The following ZNF787 variants were observed in gnomAD, a reference collection of about 807,000 sequenced individuals.
ZNF787 encodes zinc finger protein 787.
Under a neutral mutation model 16.9 loss-of-function variants are expected in ZNF787, and 7 were observed. The observed-to-expected ratio is 0.42, with a 90% CI of 0.24 to 0.78. ZNF787 has a LOEUF of 0.78. Ranked by LOEUF, ZNF787 falls within the 30% of genes least tolerant of loss-of-function variation. The pLI is 0.30. For synonymous variants in ZNF787, 345 were observed against 270.9 expected, an observed-to-expected ratio of 1.27 and a Z score of -2.69; for missense variants, 551 against 589.3, an observed-to-expected ratio of 0.94 and a Z score of 0.67.
At chr19:56,089,165 T>G in intron 2 of ZNF787, 73 bp from the exon 3 acceptor site, 4 of 1,191,042 alleles carry the variant, frequency 3.4e-6, no homozygotes, top group Non-Finnish European at 4.4e-6. Context: ...GCTGCTACGC[T>G]GGCCTCGGGT....
intron 2 of ZNF787, among the ~76,000 whole-genome samples, chr19:56,091,507 C>G (rs546420675): frequency 6.6e-6 from 1 of 152,266 alleles, no homozygotes; most frequent in African/African-American, 2.4e-5. Context: ...AGATTTGCAA[C>G]TATCAAAGCA....
At chr19:56,107,682 G>C (rs2029876113) in intron 1 of ZNF787, among the ~76,000 whole-genome samples, 1 of 151,724 alleles carries the variant, frequency 6.6e-6, no homozygotes, top group South Asian at 2.1e-4. Context: ...AGAAAAGGGA[G>C]GGGGGTCTAG....
chr19:56,118,373 G>A (rs746733676), intron 1 of ZNF787, among the ~76,000 whole-genome samples: 3 of 152,312 alleles, frequency 2.0e-5, no homozygotes, highest in Middle Eastern at 3.4e-3. Flanking sequence ...GGAGTCCAGC[G>A]TCTCCAAGCC....
At position 56,087,716 on chromosome 19, in the gene ZNF787, CGCTTGGGGCCTGGTCG is replaced by C. The variant is rs1239999597; in HGVS notation, c.*291_*306del. 2 of 243,658 alleles carry C rather than the reference CGCTTGGGGCCTGGTCG, an allele frequency of 8.2e-6. No homozygotes were observed. Among genetic ancestry groups the C allele is most frequent in the African/African-American group, 4.6e-5 (2 of 43,654 alleles). 15.1% of individuals were successfully genotyped at this position (243,658 alleles called of 1,614,324 possible). On this transcript the variant is annotated 3_prime_UTR_variant, in exon 3 of 3. Transcript: ENST00000610935. ...AGGAAGAGCAGGGAAAATGGCCTTC[CGCTTGGGGCCTGGTCG>C]CCACTCGGCCTCTGCAGTTCTCTCC...
rs1455945676 is a variant in ZNF787, at chr19:56,115,879, TC to T, written c.-11+5292del. 7.9e-5 allele frequency among the ~76,000 whole-genome samples: 12 copies of T among 152,280 alleles called. 1 individual carries two copies. The East Asian group carries it at 2.3e-3, about 29-fold the overall frequency. On this transcript the variant is annotated intron_variant, in intron 1 of 2. Coordinates refer to ENST00000610935, the MANE Select transcript of ZNF787 (RefSeq NM_001002836.4). ...ATCTTCAGATCCTTATGCGAAGGCT[TC>T]CGGGTCTTAGGGCAGCCGAGTAACT...
At chr19:56,098,640 AGCCGCAGGG>A (rs1568527078) in intron 2 of ZNF787, among the ~76,000 whole-genome samples, 2 of 19,110 alleles carry the variant, frequency 1.0e-4, no homozygotes, top group African/African-American at 1.8e-4. Context: ...AGGGTGATAC[AGCCGCAGGG>A]TGATGCCACC....
Position 56,088,077 on chromosome 19 carries a change from G to T in ZNF787, c.1095C>A (p.Asp365Glu). The T allele has an allele frequency of 6.8e-7, 1 of 1,473,186 alleles. No individual in the cohort carries two copies. Among genetic ancestry groups the T allele is most frequent in the Non-Finnish European group, 8.9e-7 (1 of 1,121,972 alleles). 91.3% of individuals were successfully genotyped at this position (1,473,186 alleles called of 1,614,324 possible). ...YRAGGEEEDD[D>E]DEAAGGRCPE... ...GGCACCGCCCGCCCGCGGCCTCGTC[G>T]TCGTCGTCCTCCTCCTCCCCGCCCG... The change falls in exon 3 of 3, where the codon GAC becomes GAA. Residue 365 changes from aspartate to glutamate, a missense_variant. Coordinates refer to ENST00000610935, the MANE Select transcript of ZNF787 (RefSeq NM_001002836.4). This position sits in a 1 kb window ranked among gnomAD's most constrained non-coding sequence, Gnocchi z 8.6.
chr19:56,116,207 C>T (rs1223064296), intron 1 of ZNF787, among the ~76,000 whole-genome samples: 1 of 151,998 alleles, frequency 6.6e-6, no homozygotes, highest in Non-Finnish European at 1.5e-5. Flanking sequence ...TCTGGGAGGC[C>T]GAGGTGGGCG....
At chr19:56,106,640 C>T (rs1228814184) in intron 1 of ZNF787, among the ~76,000 whole-genome samples, 1 of 152,190 alleles carries the variant, frequency 6.6e-6, no homozygotes, top group Non-Finnish European at 1.5e-5. Context: ...CACAGCGGCG[C>T]CACCCCACCT....
intron 1 of ZNF787, among the ~76,000 whole-genome samples, chr19:56,104,764 T>C (rs1027800025): frequency 7.2e-5 from 11 of 152,242 alleles, no homozygotes; most frequent in African/African-American, 2.4e-4. Flanking sequence ...CACACACAGC[T>C]AAAGTGGAGA....
chr19:56,091,027 G>A (rs1440694896), intron 2 of ZNF787, among the ~76,000 whole-genome samples: 2 of 152,214 alleles, frequency 1.3e-5, no homozygotes, highest in African/African-American at 2.4e-5. Context: ...AGTCAGGAAG[G>A]GGGGAGCCTT....
chr19:56,089,852 T>G (rs531143083), intron 2 of ZNF787, among the ~76,000 whole-genome samples: 193 of 152,298 alleles, frequency 1.3e-3, no homozygotes, highest in African/African-American at 3.7e-3. Flanking sequence ...TTCACACTTC[T>G]GCACCAGGCC....
intron 2 of ZNF787, among the ~76,000 whole-genome samples, chr19:56,098,966 T>A (rs1008764885): frequency 2.0e-5 from 3 of 152,128 alleles, no homozygotes; most frequent in Non-Finnish European, 2.9e-5. Flanking sequence ...ACCCACCACC[T>A]GGGGCTGAGG....
At position 56,088,013 on chromosome 19, in the gene ZNF787, G is replaced by GCCCCCCCCCCCCCC; in HGVS notation, c.*9_*10insGGGGGGGGGGGGGG. 1 of 1,065,082 alleles carries GCCCCCCCCCCCCCC rather than the reference G, an allele frequency of 9.4e-7. No homozygotes were observed. The highest frequency in any genetic ancestry group is 1.1e-6 in the Non-Finnish European group (1 of 894,724). The allele number at this position is 1,065,082 out of a possible 1,614,324, so 66.0% of individuals were successfully genotyped here. On this transcript the variant is annotated 3_prime_UTR_variant, in exon 3 of 3. Transcript: ENST00000610935. This position sits in a 1 kb window ranked among gnomAD's most constrained non-coding sequence, Gnocchi z 8.6. ...GGGGCCCTGCCCGCCCCCCCCCCCGGGCCCCTCCCCTACCGGCCCTCCCCA... is the reference window on the plus strand; with the variant it reads ...GGGGCCCTGCCCGCCCCCCCCCCCGGCCCCCCCCCCCCCCGCCCCTCCCCTACCGGCCCTCCCCA...
chr19:56,111,661 C>T (rs1413670607), intron 1 of ZNF787, among the ~76,000 whole-genome samples: 2 of 152,092 alleles, frequency 1.3e-5, no homozygotes, highest in African/African-American at 2.4e-5. Context: ...GAAGGAACTC[C>T]GCACCGTGGC....
In ZNF787 at chr19:56,088,333, T is replaced by C; in HGVS notation, c.839A>G (p.Tyr280Cys). The change falls in exon 3 of 3, where the codon TAC becomes TGC. Residue 280 changes from tyrosine to cysteine, a missense_variant. Physicochemically the swap from Tyr to Cys is radical, Grantham distance 194 (BLOSUM62 -2). Around this residue, in one of 4 missense-constraint regions of ZNF787, gnomAD observed 392 missense variants for 312.7 expected, o/e 1.25. Coordinates refer to ENST00000610935, the MANE Select transcript of ZNF787 (RefSeq NM_001002836.4). This position sits in a 1 kb window ranked among gnomAD's most constrained non-coding sequence, Gnocchi z 8.6. ...GCCCTTCCCGCACTCCAGACACACGTACGGCTTGGGGGCCGGGGCGCGCCG... is the reference window on the plus strand; with the variant it reads ...GCCCTTCCCGCACTCCAGACACACGCACGGCTTGGGGGCCGGGGCGCGCCG... Reference protein sequence around the residue: ...RSRRAPAPKPYVCLECGKGFG... With the variant: ...RSRRAPAPKPCVCLECGKGFG... 8.1e-7 allele frequency: 1 copy of C among 1,237,640 alleles called. No homozygotes were observed. The highest frequency in any genetic ancestry group is 1.0e-6 in the Non-Finnish European group (1 of 985,944). The allele number at this position is 1,237,640 out of a possible 1,614,324, so 76.7% of individuals were successfully genotyped here.
chr19:56,089,999 G>A lies in ZNF787; in HGVS notation c.80-907C>T, dbSNP rs1054213641. 2.0e-5 allele frequency among the ~76,000 whole-genome samples: 3 copies of A among 152,154 alleles called. No individual in the cohort carries two copies. In the East Asian group the frequency reaches 5.8e-4, roughly 29 times the overall value. ...CAGAGCAACAGAATCAGGTGGGAGG[G>A]CCTCAGCAAGTGCATCTCTGACCCC... On this transcript the variant is annotated intron_variant, in intron 2 of 2. Transcript: ENST00000610935.
chr19:56,102,522 C>T (rs1344784641), intron 2 of ZNF787: 2 of 242,426 alleles, frequency 8.2e-6, no homozygotes, highest in Non-Finnish European at 7.9e-6. Flanking sequence ...CCACGTAGCC[C>T]ACAAATGAGT....
chr19:56,116,067 G>A (rs542041016), intron 1 of ZNF787, among the ~76,000 whole-genome samples: 21 of 152,158 alleles, frequency 1.4e-4, no homozygotes, highest in African/African-American at 4.3e-4. Context: ...GGGCTGTGTC[G>A]GGGGAGGGTG....
Sources: allele counts gnomAD v4.1 joint callset (sites outside exome capture counted in the v4.1 genomes callset), GRCh38; gene constraint gnomAD v4.1.1; regional missense constraint gnomAD v4.1.1; non-coding constraint Gnocchi (gnomAD v3.1); transcripts MANE v1.5; gene names NCBI Gene and HGNC (gene_info 2026-07-23, HGNC 2026-07-21).